Variants in COL27A1 observed in about 807,000 individuals in gnomAD.
The protein encoded by COL27A1 is collagen alpha-1(XXVII) chain.
In COL27A1, 106 loss-of-function variants were observed where a neutral mutation model predicts 251.3. The ratio of observed to expected loss-of-function variants is 0.42; its 90% CI spans 0.36 to 0.50. The LOEUF (loss-of-function observed/expected upper bound fraction) is 0.50. Ranked by LOEUF, COL27A1 falls within the 20% of genes least tolerant of loss-of-function variation. The pLI, the probability that COL27A1 is intolerant of heterozygous loss-of-function variation, is 0.00. For missense variants in COL27A1, 2,325 were observed against 2,522.8 expected, an observed-to-expected ratio of 0.92 and a Z score of 1.68; for synonymous variants, 1,000 against 986.3, an observed-to-expected ratio of 1.01 and a Z score of -0.26.
chr9:114,233,606 T>C (rs1244842627), intron 16 of COL27A1, among the ~76,000 whole-genome samples: 1 of 152,174 alleles, frequency 6.6e-6, no homozygotes, highest in Non-Finnish European at 1.5e-5. Context: ...GAAAGGAAGC[T>C]GGGGAAAATG....
chr9:114,301,075 A>C lies in COL27A1; in HGVS notation c.4705A>C (p.Lys1569Gln). The change falls in exon 52 of 61, where the codon AAG becomes CAG. Residue 1569 changes from lysine to glutamine, a missense_variant. This residue lies in a region of COL27A1 where 327 missense variants were observed against 442.8 expected (regional missense o/e 0.74). Transcript: ENST00000356083. ...GPRGPPGLMGKEGIVGPLGIL... is the reference protein window; with the variant it reads ...GPRGPPGLMGQEGIVGPLGIL... The stretch of plus-strand genomic sequence containing the variant: ...TGAGCCTTTCTGTCTCCTTTAGGGA[A>C]AGGAAGGCATCGTCGGGCCCCTCGG... The C allele has an allele frequency of 6.2e-7, 1 of 1,609,516 alleles. No homozygotes were observed. Among genetic ancestry groups the C allele is most frequent in the East Asian group, 2.2e-5 (1 of 44,842 alleles).
chr9:114,155,960 G>A lies in COL27A1; in HGVS notation c.10G>A (p.Gly4Arg), dbSNP rs769565719. 7.8e-7 allele frequency: 1 copy of A among 1,282,012 alleles called. No homozygotes were observed. 79.4% of individuals were successfully genotyped at this position (1,282,012 alleles called of 1,614,324 possible). A position where few individuals can be genotyped will look rare whatever the true frequency, so the allele number is the denominator to read the frequency against. The change falls in exon 1 of 61, where the codon GGA becomes AGA. Residue 4 changes from glycine to arginine, a missense_variant. Gly to Arg is a moderately radical substitution (Grantham distance 125). Around this residue, in one of 4 missense-constraint regions of COL27A1, gnomAD observed 1,183 missense variants for 1,144.1 expected, o/e 1.03. Transcript: ENST00000356083. The surrounding 1 kb of genome is among the most constrained non-coding windows in gnomAD (Gnocchi z 5.5). Reference sequence around the variant, plus strand: ...GAAGTAGGGGCCTGCCATGGGAGCGGGATCGGCGCGGGGGGCCCGAGGCAC... The same window carrying A: ...GAAGTAGGGGCCTGCCATGGGAGCGAGATCGGCGCGGGGGGCCCGAGGCAC... The part of the protein sequence containing the change: MGA[G>R]SARGARGTAA...
At chr9:114,157,407 C>A (rs1465907068) in intron 1 of COL27A1, among the ~76,000 whole-genome samples, 2 of 152,262 alleles carry the variant, frequency 1.3e-5, no homozygotes, top group African/African-American at 2.4e-5. Context: ...CCCTTCTGGC[C>A]GGACCAAACT....
chr9:114,286,478 A>T (rs767242173), intron 41 of COL27A1, among the ~76,000 whole-genome samples: 21 of 152,170 alleles, frequency 1.4e-4, no homozygotes, highest in Non-Finnish European at 2.2e-4. Flanking sequence ...AAGATAAGGA[A>T]GCCATATGCA....
chr9:114,291,264 G>A (rs1256475723), intron 48 of COL27A1, among the ~76,000 whole-genome samples: 4 of 152,202 alleles, frequency 2.6e-5, no homozygotes, highest in African/African-American at 4.8e-5. Flanking sequence ...TGCCGCGTGG[G>A]AGGAGGGGGC....
At position 114,290,369 on chromosome 9, in the gene COL27A1, T is replaced by A. The variant is rs75112976; in HGVS notation, c.4368+38T>A. 26,234 of 1,516,288 alleles carry A rather than the reference T, an allele frequency of 0.017. 287 individuals carry two copies. Among genetic ancestry groups the A allele is most frequent in the Non-Finnish European group, 0.019 (21,627 of 1,113,954 alleles). The allele number at this position is 1,516,288 out of a possible 1,614,324, so 93.9% of individuals were successfully genotyped here. ...TGGCATTAACAGATGGTGGCTCCAT[T>A]TGGGACCAGGTGTAGGGGAACTTCC... On this transcript the variant is annotated intron_variant, in intron 47 of 60. Coordinates refer to ENST00000356083, the MANE Select transcript of COL27A1 (RefSeq NM_032888.4). The surrounding 1 kb of genome is among the most constrained non-coding windows in gnomAD (Gnocchi z 4.6).
intron 12 of COL27A1, chr9:114,218,615 T>G (rs1036287106): frequency 6.6e-6 from 1 of 152,246 alleles, no homozygotes; most frequent in Non-Finnish European, 1.5e-5. Flanking sequence ...GTCTTCTCGT[T>G]TCCTCCTTTT....
At position 114,236,073 on chromosome 9, in the gene COL27A1, A is replaced by ACCG. The variant is rs571119642; in HGVS notation, c.2619+424_2619+426dup. 1.7e-3 allele frequency among the ~76,000 whole-genome samples: 258 copies of ACCG among 151,762 alleles called. 2 individuals are homozygous for ACCG. The highest frequency in any genetic ancestry group is 5.8e-3 in the African/African-American group (242 of 41,376). On this transcript the variant is annotated intron_variant, in intron 17 of 60. Transcript: ENST00000356083. ...CAGCTCTGCACTCCAGCCCCACTGA[A>ACCG]CCGCCTGCCGTGGGCCTCTGTACAC...
At chr9:114,273,496 G>A (rs1049242816) in intron 36 of COL27A1, 2 of 152,370 alleles carry the variant, frequency 1.3e-5, no homozygotes, top group African/African-American at 4.8e-5. Context: ...CTGCCCCAGA[G>A]CTCAGGCCTC....
intron 2 of COL27A1, among the ~76,000 whole-genome samples, chr9:114,165,734 G>A (rs532907733): frequency 3.4e-5 from 4 of 118,350 alleles, no homozygotes; most frequent in Admixed American, 9.2e-5. Context: ...CTATTCATTC[G>A]TCCATTATAC....
intron 31 of COL27A1, 109 bp from the exon 32 acceptor site, chr9:114,265,313 C>A: frequency 8.1e-7 from 1 of 1,229,046 alleles, no homozygotes. Context: ...CATCTGTCAC[C>A]CGGTGTGGGA....
At chr9:114,285,595 T>C (rs561231757) in intron 41 of COL27A1, among the ~76,000 whole-genome samples, 1 of 152,284 alleles carries the variant, frequency 6.6e-6, no homozygotes, top group African/African-American at 2.4e-5. Context: ...TAAATCCTGC[T>C]GTTGGTGACT....
At chr9:114,217,901 C>T (rs1405267189) in intron 12 of COL27A1, 5 of 452,448 alleles carry the variant, frequency 1.1e-5, no homozygotes, top group South Asian at 7.9e-5. Flanking sequence ...ATCGCTTGAG[C>T]CCAGGAGTTC....
intron 2 of COL27A1, among the ~76,000 whole-genome samples, chr9:114,165,811 C>A (rs1220656591): frequency 2.7e-5 from 4 of 148,872 alleles, no homozygotes; most frequent in Non-Finnish European, 5.9e-5. Context: ...ATCCATCCAG[C>A]CAGCCAGGCA....
intron 7 of COL27A1, among the ~76,000 whole-genome samples, chr9:114,202,738 C>T (rs1047494814): frequency 8.5e-5 from 13 of 152,136 alleles, no homozygotes; most frequent in Non-Finnish European, 1.6e-4. Context: ...TTTGCACTTG[C>T]TGTTCCCTCT....
chr9:114,238,756 C>G (rs1320302037), intron 19 of COL27A1, among the ~76,000 whole-genome samples: 1 of 152,096 alleles, frequency 6.6e-6, no homozygotes, highest in East Asian at 1.9e-4. Flanking sequence ...CATTCTGGCC[C>G]GTGAGGGTGG....
chr9:114,231,402 T>C (rs539634395), intron 15 of COL27A1, among the ~76,000 whole-genome samples: 4 of 152,176 alleles, frequency 2.6e-5, no homozygotes, highest in African/African-American at 9.6e-5. Flanking sequence ...GCACCGGAAG[T>C]CCAGTGGGGG....
chr9:114,275,864 C>T (rs1272499919), intron 37 of COL27A1, 96 bp downstream of exon 37: 1 of 732,308 alleles, frequency 1.4e-6, no homozygotes, highest in East Asian at 2.8e-5. Context: ...TTTGGTCGTG[C>T]CACTGAAGGA....
intron 12 of COL27A1, 152 bp downstream of exon 12, chr9:114,211,178 C>T: frequency 1.2e-6 from 1 of 808,706 alleles, no homozygotes; most frequent in East Asian, 2.6e-5. Flanking sequence ...GCCACAGGAC[C>T]TGCTGCTGGC....
Sources: allele counts gnomAD v4.1 joint callset (sites outside exome capture counted in the v4.1 genomes callset), GRCh38; gene constraint gnomAD v4.1.1; regional missense constraint gnomAD v4.1.1; non-coding constraint Gnocchi (gnomAD v3.1); transcripts MANE v1.5; gene names NCBI Gene and HGNC (gene_info 2026-07-23, HGNC 2026-07-21).